Variants in ANKRD26 observed in about 807,000 individuals in gnomAD.
ANKRD26 encodes the protein ankyrin repeat domain 26, also known as ankyrin repeat domain-containing protein 26.
In ANKRD26, 141 loss-of-function variants were observed where a neutral mutation model predicts 208.7. That is an observed-to-expected ratio of 0.68 (90% CI 0.59 to 0.78). ANKRD26 has a LOEUF of 0.78. Among genes scored for constraint, ANKRD26 ranks in the 30% least tolerant of loss-of-function variants. The pLI is 0.00. For missense variants in ANKRD26, 1,889 were observed against 1,938.7 expected (o/e 0.97, Z 0.48); for synonymous variants, 636 against 660.4 (o/e 0.96, Z 0.57).
At chr10:27,058,378 G>C (rs1013274590) in intron 15 of ANKRD26, among the ~76,000 whole-genome samples, 2 of 152,102 alleles carry the variant, frequency 1.3e-5, no homozygotes, top group Admixed American at 6.5e-5. Flanking sequence ...TTCGAAGCTA[G>C]GATGTATCGT....
chr10:27,077,508 T>C lies in ANKRD26; in HGVS notation c.907A>G (p.Asn303Asp), dbSNP rs756747546. Reference protein sequence around the residue: ...EATYGTVRTGNRTLFEDRDSD... With the variant: ...EATYGTVRTGDRTLFEDRDSD... ...TCTCTATCCTCAAACAAAGTTCTAT[T>C]TCCTGTTCTCACAGTGCCATATGTT... The change falls in exon 9 of 34, where the codon AAT becomes GAT. Residue 303 changes from asparagine (N) to aspartate (D), a missense_variant. Around this residue, in one of 3 missense-constraint regions of ANKRD26, gnomAD observed 1,272 missense variants for 1,273.8 expected, o/e 1.00. Coordinates refer to ENST00000376087, the MANE Select transcript of ANKRD26 (RefSeq NM_014915.3). The C allele has an allele frequency of 6.2e-7, 1 of 1,613,948 alleles. No individual in the cohort carries two copies. Among genetic ancestry groups the C allele is most frequent in the South Asian group, 1.1e-5 (1 of 91,086 alleles).
chr10:27,066,399 T>C (rs1235084560), intron 11 of ANKRD26, 88 bp downstream of exon 11: 4 of 1,021,348 alleles, frequency 3.9e-6, no homozygotes, highest in Non-Finnish European at 5.9e-6. Context: ...TATGCAGAGG[T>C]AAAAAAGTCA....
intron 20 of ANKRD26, among the ~76,000 whole-genome samples, chr10:27,042,136 G>A (rs2135268051): frequency 6.6e-6 from 1 of 152,128 alleles, no homozygotes; most frequent in African/African-American, 2.4e-5. Context: ...GAGTCGAGAA[G>A]CAGAACCACA....
intron 4 of ANKRD26, among the ~76,000 whole-genome samples, chr10:26,995,828 C>A (rs939899619): frequency 1.3e-5 from 2 of 152,038 alleles, no homozygotes; most frequent in African/African-American, 4.8e-5. Flanking sequence ...TGTGTCTAAC[C>A]CAAGGAGAAT....
chr10:26,962,633 A>G, the ANKRD26 span, among the ~76,000 whole-genome samples: 3 of 152,184 alleles, frequency 2.0e-5, no homozygotes, highest in Non-Finnish European at 2.9e-5. Context: ...CCATAGTCCC[A>G]GGTACTTAGG....
the ANKRD26 span, among the ~76,000 whole-genome samples, chr10:26,967,644 T>TTCTTG: frequency 6.6e-6 from 1 of 152,160 alleles, no homozygotes; most frequent in East Asian, 1.9e-4. Context: ...CTTACCAAGG[T>TTCTTG]TGATCCACAA....
downstream of ANKRD26, among the ~76,000 whole-genome samples, chr10:26,989,471 G>T (rs1201986909): frequency 6.6e-6 from 1 of 152,198 alleles, no homozygotes; most frequent in Non-Finnish European, 1.5e-5. Flanking sequence ...ATGTTGAGAA[G>T]ATTGCAGCCC....
intron 4 of ANKRD26, among the ~76,000 whole-genome samples, chr10:27,090,123 A>T (rs1272538443): frequency 1.3e-5 from 2 of 152,200 alleles, no homozygotes; most frequent in Non-Finnish European, 2.9e-5. Context: ...GATTCATAAA[A>T]TATAGTGGGC....
At chr10:27,091,071 G>A (rs1051220325) in intron 4 of ANKRD26, among the ~76,000 whole-genome samples, 8 of 115,190 alleles carry the variant, frequency 6.9e-5, no homozygotes, top group Non-Finnish European at 1.3e-4. Context: ...ACTCCAGCCC[G>A]TGACAGAGCC....
At chr10:27,025,349 T>G (rs990297067) in intron 27 of ANKRD26, among the ~76,000 whole-genome samples, 1 of 152,094 alleles carries the variant, frequency 6.6e-6, no homozygotes, top group Non-Finnish European at 1.5e-5. Context: ...TATTTCATAT[T>G]TTTTAGAGAC....
At chr10:27,051,548 A>T (rs1194132325) in intron 16 of ANKRD26, 1 of 984,924 alleles carries the variant, frequency 1.0e-6, no homozygotes, top group African/African-American at 1.7e-5. Flanking sequence ...CATTATAAAA[A>T]TTCTCATCTG....
At chr10:27,042,260 T>G (rs2054266411) in intron 20 of ANKRD26, among the ~76,000 whole-genome samples, 1 of 152,178 alleles carries the variant, frequency 6.6e-6, no homozygotes, top group Admixed American at 6.5e-5. Flanking sequence ...AAAAATGAAC[T>G]TGAATCCATA....
At chr10:27,052,169 G>T (rs1341291316) in intron 16 of ANKRD26, 13 of 974,244 alleles carry the variant, frequency 1.3e-5, no homozygotes, top group African/African-American at 3.5e-5. Flanking sequence ...TACGGACAAA[G>T]AAAAATTAGG....
At chr10:27,047,719 C>CTAA (rs1491371851) in intron 17 of ANKRD26, among the ~76,000 whole-genome samples, 14 of 100,512 alleles carry the variant, frequency 1.4e-4, no homozygotes, top group African/African-American at 3.3e-4. Flanking sequence ...ACTACTACTA[C>CTAA]TACTAATAAT....
At chr10:27,050,788 A>G (rs1312084900) in intron 16 of ANKRD26, among the ~76,000 whole-genome samples, 2 of 152,210 alleles carry the variant, frequency 1.3e-5, no homozygotes, top group African/African-American at 4.8e-5. Flanking sequence ...ACTGGTTCAC[A>G]AGGTCACACG....
At chr10:27,061,059 A>G in intron 13 of ANKRD26, 85 bp downstream of exon 13, 1 of 1,024,838 alleles carries the variant, frequency 9.8e-7, no homozygotes, top group Admixed American at 1.7e-5. Flanking sequence ...CTTATTTCTC[A>G]TCAGAGAAAG....
At chr10:27,049,106 G>T in intron 16 of ANKRD26, 127 bp from the exon 17 acceptor site, 1 of 749,832 alleles carries the variant, frequency 1.3e-6, no homozygotes, top group Non-Finnish European at 2.1e-6. Flanking sequence ...AATATTTTCT[G>T]CTTACTCTAA....
intron 16 of ANKRD26, chr10:27,052,231 A>G (rs2054688107): frequency 1.1e-6 from 1 of 947,626 alleles, no homozygotes; most frequent in Admixed American, 6.2e-5. Flanking sequence ...TTACTCCCAA[A>G]TCACTGGATT....
At chr10:26,949,739 G>A in the ANKRD26 span, among the ~76,000 whole-genome samples, 5 of 152,058 alleles carry the variant, frequency 3.3e-5, no homozygotes, top group Non-Finnish European at 5.9e-5. Flanking sequence ...TCCTGACCTC[G>A]TGATCCACCC....
Sources: gnomAD v4.1 joint callset for allele counts (sites outside exome capture counted in the v4.1 genomes callset) on GRCh38, gnomAD v4.1.1 for gene constraint, gnomAD v4.1.1 regional missense constraint, MANE v1.5 for transcripts, NCBI Gene and HGNC (gene_info 2026-07-23, HGNC 2026-07-21) for gene names.